Variants in IZUMO1R observed in about 807,000 individuals in gnomAD.
IZUMO1R encodes sperm-egg fusion protein Juno.
In IZUMO1R, 24 loss-of-function variants were observed where a neutral mutation model predicts 22.1. The ratio of observed to expected loss-of-function variants is 1.09; its 90% CI spans 0.79 to 1.53. IZUMO1R has a LOEUF of 1.53. IZUMO1R is among the 40% of genes most tolerant of loss of function. The pLI, the probability that IZUMO1R is intolerant of heterozygous loss-of-function variation, is 0.00. For synonymous variants in IZUMO1R, 133 were observed against 121.2 expected, an observed-to-expected ratio of 1.10 and a Z score of -0.64; for missense variants, 308 against 314.9, an observed-to-expected ratio of 0.98 and a Z score of 0.17.
At chr11:94,305,876 G>A (rs1025218743) in intron 2 of IZUMO1R, 102 bp downstream of exon 2, 1 of 1,365,012 alleles carries the variant, frequency 7.3e-7, no homozygotes, top group Admixed American at 2.3e-5. Context: ...TTTGGTTCCT[G>A]GGGTTAGGAG....
intron 1 of IZUMO1R, among the ~76,000 whole-genome samples, chr11:94,305,409 G>A (rs1944004432): frequency 6.6e-6 from 1 of 152,124 alleles, no homozygotes; most frequent in African/African-American, 2.4e-5. Flanking sequence ...GGCTCTGCAG[G>A]GCCAGCAAGG....
chr11:94,306,903 G>C (rs1944027402), intron 3 of IZUMO1R, among the ~76,000 whole-genome samples, 181 bp downstream of exon 3: 1 of 152,138 alleles, frequency 6.6e-6, no homozygotes, highest in Non-Finnish European at 1.5e-5. Flanking sequence ...TGACAACAGT[G>C]GGATGAGGGG....
chr11:94,307,327 C>CG (rs1280749340), intron 4 of IZUMO1R, 27 bp downstream of exon 4: 1 of 1,612,190 alleles, frequency 6.2e-7, no homozygotes, highest in Non-Finnish European at 8.5e-7. Context: ...AGGCCTTGGT[C>CG]GGGAAGAGGC....
At position 94,307,722 on chromosome 11, in the gene IZUMO1R, C is replaced by T. The variant is rs1382926443; in HGVS notation, c.*30C>T. 2 of 1,606,196 alleles carry T rather than the reference C, an allele frequency of 1.2e-6. No homozygotes were observed. Among genetic ancestry groups the T allele is most frequent in the Non-Finnish European group, 1.7e-6 (2 of 1,174,456 alleles). ...CCTTCTTCTCCCACTCACATTCCTGCATGTCCACCAACTGTGGGTCAGGCC... is the reference window on the plus strand; with the variant it reads ...CCTTCTTCTCCCACTCACATTCCTGTATGTCCACCAACTGTGGGTCAGGCC... On this transcript the variant is annotated 3_prime_UTR_variant, in exon 5 of 5. Transcript: ENST00000687084.
chr11:94,306,746 C>T (rs1384293343), intron 3 of IZUMO1R, 24 bp downstream of exon 3: 11 of 1,606,274 alleles, frequency 6.8e-6, no homozygotes, highest in Non-Finnish European at 8.5e-6. Context: ...CTGTGCCATG[C>T]CCTGTTATTA....
chr11:94,307,826 T>A lies in IZUMO1R; in HGVS notation c.*134T>A. The A allele has an allele frequency of 1.7e-5, 2 of 115,318 alleles. No individual in the cohort carries two copies. The highest frequency in any genetic ancestry group is 3.2e-5 in the Non-Finnish European group (2 of 62,268). The allele number at this position is 115,318 out of a possible 1,614,324, so 7.1% of individuals were successfully genotyped here. A position where few individuals can be genotyped will look rare whatever the true frequency, so the allele number is the denominator to read the frequency against. On this transcript the variant is annotated 3_prime_UTR_variant, in exon 5 of 5. Coordinates refer to ENST00000687084, the MANE Select transcript of IZUMO1R (RefSeq NM_001199206.4). ...CTAGGGACTGCAGTCCCACCCAGTC[T>A]AGCCCATGCCACTGCTTTTAGGGGA... is the stretch of plus-strand genomic sequence containing the variant.
At chr11:94,305,565 G>C in intron 1 of IZUMO1R, 66 bp from the exon 2 acceptor site, 1 of 1,579,246 alleles carries the variant, frequency 6.3e-7, no homozygotes, top group Admixed American at 1.7e-5. Context: ...CCCAGTGCCT[G>C]CTATGATGAA....
rs1944039278 is a variant in IZUMO1R, at chr11:94,307,812, A to G, written c.*120A>G. 5.0e-6 allele frequency: 2 copies of G among 402,030 alleles called. No homozygotes were observed. The highest frequency in any genetic ancestry group is 8.9e-5 in the African/African-American group (1 of 11,278). The allele number at this position is 402,030 out of a possible 1,614,324, so 24.9% of individuals were successfully genotyped here. On this transcript the variant is annotated 3_prime_UTR_variant, in exon 5 of 5. Coordinates refer to ENST00000687084, the MANE Select transcript of IZUMO1R (RefSeq NM_001199206.4). ...AGCAGTGGCATGGGCTAGGGACTGCAGTCCCACCCAGTCTAGCCCATGCCA... is the reference window on the plus strand; with the variant it reads ...AGCAGTGGCATGGGCTAGGGACTGCGGTCCCACCCAGTCTAGCCCATGCCA...
At position 94,307,551 on chromosome 11, in the gene IZUMO1R, G is replaced by A. The variant is rs200277959; in HGVS notation, c.612G>A (p.Gly204=). 7.2e-4 allele frequency: 1,160 copies of A among 1,613,680 alleles called. 1 individual carries two copies. The highest frequency in any genetic ancestry group is 9.3e-4 in the Non-Finnish European group (1,102 of 1,179,878). ...CCAGCCCTGAGCGACGGAACAGTGG[G>A]CGGTGTCTCCAGAAGTGGTTTGAGC... is the stretch of plus-strand genomic sequence containing the variant. The part of the protein sequence containing the change: ...FKASPERRNS[G]RCLQKWFEPA... The change falls in exon 5 of 5, where the codon GGG becomes GGA. Residue 204 remains glycine (G), a synonymous_variant. Transcript: ENST00000687084.
intron 2 of IZUMO1R, among the ~76,000 whole-genome samples, chr11:94,306,248 C>T (rs1367045455): frequency 6.6e-6 from 1 of 152,086 alleles, no homozygotes; most frequent in Non-Finnish European, 1.5e-5. Context: ...CTTCTGCTGC[C>T]TCTCAGGAGC....
At position 94,307,727 on chromosome 11, in the gene IZUMO1R, C is replaced by G; in HGVS notation, c.*35C>G. The stretch of plus-strand genomic sequence containing the variant: ...TTCTCCCACTCACATTCCTGCATGT[C>G]CACCAACTGTGGGTCAGGCCAGGCC... On this transcript the variant is annotated 3_prime_UTR_variant, in exon 5 of 5. Coordinates refer to ENST00000687084, the MANE Select transcript of IZUMO1R (RefSeq NM_001199206.4). The G allele has an allele frequency of 1.2e-6, 2 of 1,605,390 alleles. No individual in the cohort carries two copies. The highest frequency in any genetic ancestry group is 1.7e-6 in the Non-Finnish European group (2 of 1,173,934).
chr11:94,305,854 CA>C lies in IZUMO1R; in HGVS notation c.138+82del. On this transcript the variant is annotated intron_variant, in intron 2 of 4. Transcript: ENST00000687084. ...TGCCAAGATGGTCTCCGAACCTCAT[CA>C]ACCCTGATCATTTGGTTCCTGGGGT... 2.7e-6 allele frequency: 4 copies of C among 1,484,906 alleles called. 1 individual carries two copies. The South Asian group carries it at 5.0e-5, about 19-fold the overall frequency. The allele number at this position is 1,484,906 out of a possible 1,614,324, so 92.0% of individuals were successfully genotyped here. A position where few individuals can be genotyped will look rare whatever the true frequency, so the allele number is the denominator to read the frequency against.
At chr11:94,305,877 G>C (rs962895300) in intron 2 of IZUMO1R, 103 bp downstream of exon 2, 17 of 1,364,914 alleles carry the variant, frequency 1.2e-5, no homozygotes, top group Non-Finnish European at 1.7e-5. Flanking sequence ...TTGGTTCCTG[G>C]GGTTAGGAGT....
chr11:94,306,867 G>A (rs1324538902), intron 3 of IZUMO1R, 145 bp downstream of exon 3: 12 of 877,942 alleles, frequency 1.4e-5, no homozygotes, highest in Non-Finnish European at 1.0e-5. Context: ...GGCCCCTGCT[G>A]GAGAATCACA....
At chr11:94,307,130 T>C (rs1203484553) in intron 3 of IZUMO1R, 35 bp from the exon 4 acceptor site, 1 of 1,569,620 alleles carries the variant, frequency 6.4e-7, no homozygotes, top group Admixed American at 1.9e-5. Context: ...ATCTCTGCTA[T>C]TAATGTTCTA....
At position 94,307,556 on chromosome 11, in the gene IZUMO1R, G is replaced by C; in HGVS notation, c.617G>C (p.Cys206Ser). ...CCTGAGCGACGGAACAGTGGGCGGT[G>C]TCTCCAGAAGTGGTTTGAGCCTGCT... ...ASPERRNSGRCLQKWFEPAQG... is the reference protein window; with the variant it reads ...ASPERRNSGRSLQKWFEPAQG... The change falls in exon 5 of 5, where the codon TGT becomes TCT. Residue 206 changes from cysteine (C) to serine (S), a missense_variant. Transcript: ENST00000687084. 1 of 1,613,774 alleles carries C rather than the reference G, an allele frequency of 6.2e-7. No homozygotes were observed. Among genetic ancestry groups the C allele is most frequent in the Non-Finnish European group, 8.5e-7 (1 of 1,179,870 alleles).
Position 94,306,609 on chromosome 11 carries a change from T to C in IZUMO1R, c.235T>C (p.Cys79Arg), listed in dbSNP as rs771529045. Residue 79 changes from cysteine to arginine, a missense_variant, in exon 3 of 5, where the codon TGT becomes CGT. By Grantham distance (180) the Cys-to-Arg change is radical. Transcript: ENST00000687084. ...SPLYNFSLFHCGLLMPGCRKH... is the reference protein window; with the variant it reads ...SPLYNFSLFHRGLLMPGCRKH... ...ACTCTACAACTTCAGCCTGTTTCACTGTGGACTGCTGATGCCTGGCTGTCG... is the reference window on the plus strand; with the variant it reads ...ACTCTACAACTTCAGCCTGTTTCACCGTGGACTGCTGATGCCTGGCTGTCG... 3 of 1,613,868 alleles carry C rather than the reference T, an allele frequency of 1.9e-6. No individual in the cohort carries two copies. Among genetic ancestry groups the C allele is most frequent in the African/African-American group, 1.3e-5 (1 of 74,924 alleles).
chr11:94,306,707 A>G lies in IZUMO1R; in HGVS notation c.333A>G (p.Gly111=), dbSNP rs997506889. The change falls in exon 3 of 5, where the codon GGA becomes GGG. Residue 111 remains glycine (G), a synonymous_variant. Coordinates refer to ENST00000687084, the MANE Select transcript of IZUMO1R (RefSeq NM_001199206.4). ...PNLGPWIQPV[G]SLGWEVAPSG... ...TGGGGCCCTGGATCCAGCCAGTGGG[A>G]AGCCTGGGGTGGGAGGTAGGAAGCA... The G allele has an allele frequency of 1.2e-6, 2 of 1,613,822 alleles. No homozygotes were observed. The highest frequency in any genetic ancestry group is 2.7e-5 in the African/African-American group (2 of 74,918).
chr11:94,305,520 A>T, intron 1 of IZUMO1R, 111 bp from the exon 2 acceptor site: 1 of 1,289,730 alleles, frequency 7.8e-7, no homozygotes, highest in South Asian at 1.4e-5. Context: ...AGAGTGTTGC[A>T]ATTATTTGAG....
Sources: allele counts gnomAD v4.1 joint callset (sites outside exome capture counted in the v4.1 genomes callset), GRCh38; gene constraint gnomAD v4.1.1; transcripts MANE v1.5; gene names NCBI Gene and HGNC (gene_info 2026-07-23, HGNC 2026-07-21).